The following SPATA13 variants were observed in gnomAD, a reference collection of about 807,000 sequenced individuals.
The protein encoded by SPATA13 is spermatogenesis-associated protein 13.
In SPATA13, 50 loss-of-function variants were observed where a neutral mutation model predicts 104.0. The ratio of observed to expected loss-of-function variants is 0.48; its 90% CI spans 0.38 to 0.61. SPATA13 has a LOEUF of 0.61. Ranked by LOEUF, SPATA13 falls within the 20% of genes least tolerant of loss-of-function variation. The probability of loss-of-function intolerance (pLI) is 0.00; values close to 1 mark genes in which losing one functional copy is unlikely to be tolerated. For missense variants in SPATA13, 1,524 were observed against 1,690.6 expected, an observed-to-expected ratio of 0.90 and a Z score of 1.73; for synonymous variants, 606 against 667.5, an observed-to-expected ratio of 0.91 and a Z score of 1.42.
Position 24,286,543 on chromosome 13 carries a change from G to A in SPATA13, c.2481+150G>A. ...CTGTAAGAAATTAGGCTGGGTCGGAGCAAAAATGTTAAAGGCAGGCAAGCG... is the reference window on the plus strand; with the variant it reads ...CTGTAAGAAATTAGGCTGGGTCGGAACAAAAATGTTAAAGGCAGGCAAGCG... On this transcript the variant is annotated intron_variant, in intron 6 of 12. Coordinates refer to ENST00000382108, the MANE Select transcript of SPATA13 (RefSeq NM_001166271.3). This position sits in a 1 kb window ranked among gnomAD's most constrained non-coding sequence, Gnocchi z 4.9. The A allele has an allele frequency of 1.0e-6, 1 of 1,002,512 alleles. No individual in the cohort carries two copies. Among genetic ancestry groups the A allele is most frequent in the Non-Finnish European group, 1.4e-6 (1 of 694,892 alleles). The allele number at this position is 1,002,512 out of a possible 1,614,324, so 62.1% of individuals were successfully genotyped here. A position where few individuals can be genotyped will look rare whatever the true frequency, so the allele number is the denominator to read the frequency against.
At chr13:24,235,595 TA>T (rs1218461052) in intron 2 of SPATA13, among the ~76,000 whole-genome samples, 1 of 151,056 alleles carries the variant, frequency 6.6e-6, no homozygotes, top group African/African-American at 2.4e-5. Context: ...CCTTGTCTCT[TA>T]AAAAAAAATA....
intron 3 of SPATA13, among the ~76,000 whole-genome samples, chr13:24,152,676 GTCTC>G (rs1332044360): frequency 6.6e-6 from 1 of 152,202 alleles, no homozygotes; most frequent in Non-Finnish European, 1.5e-5. Context: ...TGTGGAAGAT[GTCTC>G]TCTCTGTCAC....
intron 3 of SPATA13, among the ~76,000 whole-genome samples, chr13:24,069,436 T>G (rs1442749428): frequency 2.0e-5 from 3 of 152,214 alleles, no homozygotes; most frequent in Non-Finnish European, 4.4e-5. Flanking sequence ...TGTTTTGGTA[T>G]GTAAAAATGC....
At chr13:24,251,445 T>C (rs750218761) in intron 3 of SPATA13, 4 of 984,250 alleles carry the variant, frequency 4.1e-6, no homozygotes, top group Admixed American at 1.2e-4. Context: ...CAGAAGCTTC[T>C]TTTTCCTTAG....
chr13:24,240,121 A>G (rs1872761879), intron 2 of SPATA13, among the ~76,000 whole-genome samples: 2 of 152,008 alleles, frequency 1.3e-5, no homozygotes, highest in Non-Finnish European at 2.9e-5. Flanking sequence ...CCTGGCCAAC[A>G]TGGCAAAACC....
In SPATA13 at chr13:24,205,379, A is replaced by G. The variant is rs1432768930; in HGVS notation, c.-111-17440A>G. Among the ~76,000 whole-genome samples the G allele has an allele frequency of 6.6e-6, 1 of 152,200 alleles. No homozygotes were observed. The highest frequency in any genetic ancestry group is 2.4e-5 in the African/African-American group (1 of 41,452). On this transcript the variant is annotated intron_variant, in intron 1 of 12. Coordinates refer to ENST00000382108, the MANE Select transcript of SPATA13 (RefSeq NM_001166271.3). The surrounding 1 kb of genome is among the most constrained non-coding windows in gnomAD (Gnocchi z 4.1). ...CAATAAAATACCTAGGAATACAGCT[A>G]ACAAGAGAAGTGAAGGACCTCTTCA... is the stretch of plus-strand genomic sequence containing the variant.
intron 2 of SPATA13, among the ~76,000 whole-genome samples, chr13:24,227,251 A>T (rs1871996829): frequency 6.6e-6 from 1 of 152,126 alleles, no homozygotes. Flanking sequence ...TAAAGATTGG[A>T]TTTTATTTTC....
At chr13:24,103,103 C>T (rs555801535) in intron 3 of SPATA13, among the ~76,000 whole-genome samples, 6 of 152,246 alleles carry the variant, frequency 3.9e-5, no homozygotes, top group African/African-American at 1.2e-4. Flanking sequence ...TCTTGGGTTT[C>T]ATTGTCAGGC....
intron 4 of SPATA13, among the ~76,000 whole-genome samples, chr13:24,271,353 G>C (rs903667564): frequency 2.0e-5 from 3 of 152,014 alleles, no homozygotes; most frequent in Non-Finnish European, 2.9e-5. Flanking sequence ...ATAGATTATT[G>C]GTGGTGTGTA....
chr13:24,150,191 C>T (rs1032943538), intron 3 of SPATA13, among the ~76,000 whole-genome samples: 101 of 152,220 alleles, frequency 6.6e-4, no homozygotes, highest in African/African-American at 2.2e-3. Context: ...CTACAGTGCC[C>T]GTCTCCCGTG....
At chr13:24,092,905 T>A (rs2079736064) in intron 3 of SPATA13, among the ~76,000 whole-genome samples, 1 of 152,180 alleles carries the variant, frequency 6.6e-6, no homozygotes, top group South Asian at 2.1e-4. Flanking sequence ...ACACTGACAT[T>A]AAGTTGAATG....
At position 24,202,711 on chromosome 13, in the gene SPATA13, GT is replaced by G. The variant is rs1431408189; in HGVS notation, c.-111-20101del. On this transcript the variant is annotated intron_variant, in intron 1 of 12. Coordinates refer to ENST00000382108, the MANE Select transcript of SPATA13 (RefSeq NM_001166271.3). ...AGAGTGAGAACTGTCTTATTAGATAGTTTTTTTCTTTTGTTCTTCATCTGTT... is the reference window on the plus strand; with the variant it reads ...AGAGTGAGAACTGTCTTATTAGATAGTTTTTTCTTTTGTTCTTCATCTGTT... 2.0e-5 allele frequency among the ~76,000 whole-genome samples: 3 copies of G among 151,462 alleles called. No homozygotes were observed. In the East Asian group the frequency reaches 5.8e-4, roughly 29 times the overall value.
chr13:24,251,774 G>A lies in SPATA13; in HGVS notation c.2076G>A (p.Ser692=), dbSNP rs748637823. The A allele has an allele frequency of 2.7e-5, 43 of 1,614,036 alleles. No homozygotes were observed. Among genetic ancestry groups the A allele is most frequent in the African/African-American group, 6.7e-5 (5 of 74,908 alleles). ...AHQVPPYKAV[S]ARFRPFTFSQ... is the part of the protein sequence containing the mutation. Reference sequence around the variant, plus strand: ...AGGTGCCACCCTACAAGGCTGTGTCGGCCCGGTTCCGGCCCTTCACATTCT... The same window carrying A: ...AGGTGCCACCCTACAAGGCTGTGTCAGCCCGGTTCCGGCCCTTCACATTCT... The change falls in exon 4 of 13, where the codon TCG becomes TCA. Residue 692 remains serine, a synonymous_variant. Transcript: ENST00000382108.
intron 9 of SPATA13, among the ~76,000 whole-genome samples, chr13:24,291,754 TTA>T (rs1555277159): frequency 6.7e-4 from 55 of 82,460 alleles, no homozygotes; most frequent in South Asian, 2.1e-3. Flanking sequence ...TTTTATTTTT[TTA>T]TTTTTTTTTT....
At position 24,122,420 on chromosome 13, in the gene SPATA13, C is replaced by T. The variant is rs576325107; in HGVS notation, c.-111-100399C>T. 7.5e-5 allele frequency: 120 copies of T among 1,592,478 alleles called. 1 individual carries two copies. The African/African-American group carries it at 1.5e-3, about 20-fold the overall frequency. Reference sequence around the variant, plus strand: ...CCTTCCAGAGCAGTCTCTTCCGCATCATCTTCTTACCAGTCTTCATCGTCT... The same window carrying T: ...CCTTCCAGAGCAGTCTCTTCCGCATTATCTTCTTACCAGTCTTCATCGTCT... On this transcript the variant is annotated intron_variant, in intron 3 of 14. Coordinates refer to the SPATA13 transcript ENST00000424834.
chr13:23,980,591 T>G (rs1328149401), intron 1 of SPATA13, among the ~76,000 whole-genome samples: 4 of 151,346 alleles, frequency 2.6e-5, no homozygotes, highest in African/African-American at 9.7e-5. Flanking sequence ...TTAACGAAGT[T>G]TTGTTTTGTT....
At chr13:24,189,242 C>T (rs528607307) in intron 1 of SPATA13, among the ~76,000 whole-genome samples, 6 of 151,876 alleles carry the variant, frequency 4.0e-5, no homozygotes, top group East Asian at 3.9e-4. Flanking sequence ...GAGGCCGAGG[C>T]CGGTGGATCA....
At chr13:24,288,035 CT>C (rs1876086268) in intron 7 of SPATA13, among the ~76,000 whole-genome samples, 1 of 152,226 alleles carries the variant, frequency 6.6e-6, no homozygotes, top group African/African-American at 2.4e-5. Context: ...TGCCAGCCAT[CT>C]CGTTCTGTAT....
At chr13:24,266,865 C>G (rs1019290343) in intron 4 of SPATA13, among the ~76,000 whole-genome samples, 8 of 151,940 alleles carry the variant, frequency 5.3e-5, no homozygotes, top group South Asian at 2.1e-4. Flanking sequence ...AATCTCAGCT[C>G]TCCGCAGCCT....
Sources: allele counts gnomAD v4.1 joint callset (sites outside exome capture counted in the v4.1 genomes callset), GRCh38; gene constraint gnomAD v4.1.1; non-coding constraint Gnocchi (gnomAD v3.1); transcripts MANE v1.5; gene names NCBI Gene and HGNC (gene_info 2026-07-23, HGNC 2026-07-21).